Variants in UGP2 observed in about 807,000 individuals in gnomAD.
UGP2 encodes UTP--glucose-1-phosphate uridylyltransferase.
UGP2 carries 40 observed loss-of-function variants against 49.0 expected under a neutral mutation model. That is an observed-to-expected ratio of 0.82 (90% CI 0.63 to 1.06). The LOEUF (loss-of-function observed/expected upper bound fraction) is 1.06. UGP2 is among the 50% of genes least tolerant of loss of function. The probability of loss-of-function intolerance (pLI) is 0.00; values close to 1 mark genes in which losing one functional copy is unlikely to be tolerated. For synonymous variants in UGP2, 225 were observed against 213.0 expected (o/e 1.06, Z -0.49); for missense variants, 460 against 603.5 (o/e 0.76, Z 2.49).
intron 7 of UGP2, 91 bp from the exon 8 acceptor site, chr2:63,887,311 T>G (rs1384457730): frequency 6.7e-7 from 1 of 1,493,732 alleles, no homozygotes; most frequent in South Asian, 1.3e-5. Flanking sequence ...ATCTCTGAAA[T>G]CACTTCCCAA....
chr2:63,849,298 A>G (rs1668888154), intron 1 of UGP2, among the ~76,000 whole-genome samples: 1 of 152,230 alleles, frequency 6.6e-6, no homozygotes, highest in Admixed American at 6.5e-5. Context: ...CTCCTTGGCC[A>G]CAATGAAAAT....
chr2:63,856,897 T>A (rs2104279666), intron 2 of UGP2: 1 of 440,110 alleles, frequency 2.3e-6, no homozygotes, highest in African/African-American at 2.0e-5. Flanking sequence ...GTATTTTCAT[T>A]TTTATATTTC....
In UGP2 at chr2:63,885,595, G is replaced by T; in HGVS notation, c.582G>T (p.Pro194=). ...AACTTTTTTTTTTTTAAAGGTACCC[G>T]AGGATTAATAAAGAATCTTTACTTC... ...KIYTFNQSRY[P]RINKESLLPV... The change falls in exon 6 of 10, where the codon CCG becomes CCT. Residue 194 remains proline, a synonymous_variant. Coordinates refer to ENST00000337130, the MANE Select transcript of UGP2 (RefSeq NM_006759.4). The T allele has an allele frequency of 1.3e-6, 2 of 1,538,660 alleles. No homozygotes were observed. Among genetic ancestry groups the T allele is most frequent in the Non-Finnish European group, 1.7e-6 (2 of 1,148,626 alleles).
At chr2:63,856,590 C>T (rs954204550) in intron 2 of UGP2, among the ~76,000 whole-genome samples, 157 bp downstream of exon 2, 7 of 152,106 alleles carry the variant, frequency 4.6e-5, no homozygotes, top group South Asian at 2.1e-4. Context: ...TAACAATTAC[C>T]GGCTTTTAAC....
chr2:63,860,078 A>T (rs1669728409), intron 3 of UGP2, among the ~76,000 whole-genome samples: 1 of 152,158 alleles, frequency 6.6e-6, no homozygotes, highest in South Asian at 2.1e-4. Flanking sequence ...AGAGATTATT[A>T]TAGAGATCAA....
At chr2:63,881,949 C>G (rs1162583866) in intron 3 of UGP2, among the ~76,000 whole-genome samples, 1 of 152,230 alleles carries the variant, frequency 6.6e-6, no homozygotes, top group African/African-American at 2.4e-5. Context: ...CTCTGAAAGG[C>G]AAACTTATGA....
intron 1 of UGP2, among the ~76,000 whole-genome samples, chr2:63,846,581 G>A (rs1368620702): frequency 2.0e-5 from 3 of 152,140 alleles, no homozygotes; most frequent in Non-Finnish European, 4.4e-5. Context: ...AATGCTTGAG[G>A]CCTATCAGCT....
chr2:63,883,544 C>T (rs575865934), intron 4 of UGP2, among the ~76,000 whole-genome samples: 248 of 152,230 alleles, frequency 1.6e-3, no homozygotes, highest in African/African-American at 5.7e-3. Flanking sequence ...TACTTTCATC[C>T]CTACAGAGAT....
chr2:63,871,333 T>C (rs1329695295), intron 3 of UGP2, among the ~76,000 whole-genome samples: 1 of 152,156 alleles, frequency 6.6e-6, no homozygotes, highest in Non-Finnish European at 1.5e-5. Context: ...CTGCCCAGGC[T>C]GGAGTGCAGT....
Position 63,857,917 on chromosome 2 carries a change from A to G in UGP2, c.236A>G (p.Gln79Arg). Residue 79 changes from glutamine to arginine, a missense_variant, in exon 3 of 10, where the codon CAG becomes CGG. Coordinates refer to ENST00000337130, the MANE Select transcript of UGP2 (RefSeq NM_006759.4). ...KGPSVDWGKI[Q>R]RPPEDSIQPY... is the part of the protein sequence containing the mutation. ...CCTTCTGTGGATTGGGGAAAAATCC[A>G]GAGACCCCCTGAAGATTCGGTAAGT... is the stretch of plus-strand genomic sequence containing the variant. 2.5e-6 allele frequency: 4 copies of G among 1,613,874 alleles called. No homozygotes were observed. Among genetic ancestry groups the G allele is most frequent in the Non-Finnish European group, 3.4e-6 (4 of 1,179,918 alleles).
intron 3 of UGP2, among the ~76,000 whole-genome samples, chr2:63,881,217 G>C (rs1241645935): frequency 1.3e-5 from 2 of 152,062 alleles, no homozygotes; most frequent in East Asian, 3.8e-4. Flanking sequence ...CAAGAATTTT[G>C]TTATCAGGAG....
chr2:63,852,342 G>C (rs1408401851), intron 1 of UGP2, among the ~76,000 whole-genome samples: 1 of 152,194 alleles, frequency 6.6e-6, no homozygotes, highest in Non-Finnish European at 1.5e-5. Context: ...AGCTTACCCA[G>C]GAATCTGTGT....
chr2:63,858,219 T>C (rs1176013846), intron 3 of UGP2, among the ~76,000 whole-genome samples: 1 of 152,192 alleles, frequency 6.6e-6, no homozygotes, highest in Non-Finnish European at 1.5e-5. Context: ...GCACTAAATA[T>C]CCCATAAGAG....
intron 3 of UGP2, among the ~76,000 whole-genome samples, chr2:63,865,046 G>A (rs919820876): frequency 1.3e-5 from 2 of 152,176 alleles, no homozygotes; most frequent in Admixed American, 6.5e-5. Flanking sequence ...ACATCTCCCT[G>A]TCTGAAGTAC....
At chr2:63,843,605 G>A (rs563246933) in intron 1 of UGP2, among the ~76,000 whole-genome samples, 59 of 152,330 alleles carry the variant, frequency 3.9e-4, no homozygotes, top group Non-Finnish European at 7.8e-4. Flanking sequence ...TGATTTCACA[G>A]CCTTTGCTGT....
intron 1 of UGP2, chr2:63,842,500 C>T: frequency 6.5e-7 from 1 of 1,536,000 alleles, no homozygotes; most frequent in Non-Finnish European, 8.7e-7. Context: ...TTTTTGGCTG[C>T]TAATTAATCC....
chr2:63,881,656 G>T (rs147938921), intron 3 of UGP2, among the ~76,000 whole-genome samples: 1,529 of 152,340 alleles, frequency 0.01, 17 homozygotes, highest in Non-Finnish European at 0.017. Flanking sequence ...GGCCTCTGCT[G>T]TAAGTTGTGT....
At chr2:63,875,664 C>G (rs1232435369) in intron 3 of UGP2, among the ~76,000 whole-genome samples, 7 of 152,156 alleles carry the variant, frequency 4.6e-5, no homozygotes, top group Admixed American at 3.9e-4. Context: ...TTTCACTTAT[C>G]CCCCAGAGGA....
chr2:63,889,533 TG>T (rs1310008013), intron 8 of UGP2: 1 of 152,508 alleles, frequency 6.6e-6, no homozygotes, highest in Non-Finnish European at 1.5e-5. Flanking sequence ...TGGAAACAAG[TG>T]GAAGTTTTCT....
Sources: gnomAD v4.1 joint callset for allele counts (sites outside exome capture counted in the v4.1 genomes callset) on GRCh38, gnomAD v4.1.1 for gene constraint, MANE v1.5 for transcripts, NCBI Gene and HGNC (gene_info 2026-07-23, HGNC 2026-07-21) for gene names.